Variants in CPED1 observed in about 807,000 individuals in gnomAD.
CPED1 encodes cadherin like and PC-esterase domain containing 1.
In CPED1, 114 loss-of-function variants were observed where a neutral mutation model predicts 128.2. The observed-to-expected ratio is 0.89, with a 90% CI of 0.76 to 1.04. The LOEUF (loss-of-function observed/expected upper bound fraction) is 1.04. Ranked by LOEUF, CPED1 falls within the 50% of genes least tolerant of loss-of-function variation. The probability of loss-of-function intolerance (pLI) is 0.00; values close to 1 mark genes in which losing one functional copy is unlikely to be tolerated. For missense variants in CPED1, 1,211 were observed against 1,207.1 expected (o/e 1.00, Z -0.05); for synonymous variants, 462 against 426.7 (o/e 1.08, Z -1.02).
chr7:121,235,166 A>G (rs1252810212), intron 16 of CPED1, among the ~76,000 whole-genome samples: 1 of 152,126 alleles, frequency 6.6e-6, no homozygotes, highest in Non-Finnish European at 1.5e-5. Flanking sequence ...TCTCCACTAA[A>G]AATAAATGGT....
chr7:120,994,273 TAA>T, intron 2 of CPED1, among the ~76,000 whole-genome samples: 1 of 151,562 alleles, frequency 6.6e-6, no homozygotes, highest in East Asian at 1.9e-4. Context: ...TCTCTTTAAC[TAA>T]AAAAAAATCC....
intron 16 of CPED1, among the ~76,000 whole-genome samples, chr7:121,177,483 A>G (rs1043514320): frequency 6.6e-6 from 1 of 152,066 alleles, no homozygotes; most frequent in African/African-American, 2.4e-5. Context: ...TGTGGATTTT[A>G]TGTGAAAATT....
rs116617328 is a variant in CPED1 at position 121,049,730 on chromosome 7, C to T, written c.540+2737C>T. 4.2e-3 allele frequency among the ~76,000 whole-genome samples: 637 copies of T among 152,274 alleles called. 6 individuals are homozygous for T. The highest frequency in any genetic ancestry group is 0.02 in the Middle Eastern group (6 of 294). ...TCCCTAAATGCCTGTGCTGTTTTGT[C>T]ACATACCTTTATTCTTACTGTTTTG... On this transcript the variant is annotated intron_variant, in intron 4 of 22. Transcript: ENST00000310396.
chr7:121,266,199 A>T, intron 18 of CPED1, 28 bp from the exon 19 acceptor site: 1 of 1,543,126 alleles, frequency 6.5e-7, no homozygotes, highest in Non-Finnish European at 9.0e-7. Context: ...ATAAGCTTTT[A>T]AACAAATGCT....
intron 16 of CPED1, among the ~76,000 whole-genome samples, chr7:121,210,522 G>T (rs551370431): frequency 6.6e-6 from 1 of 151,992 alleles, no homozygotes; most frequent in Admixed American, 6.6e-5. Context: ...AATGGAAATG[G>T]AAGACATTAT....
chr7:121,153,308 A>G (rs1045389451), intron 16 of CPED1, among the ~76,000 whole-genome samples: 2 of 152,220 alleles, frequency 1.3e-5, no homozygotes, highest in Admixed American at 1.3e-4. Flanking sequence ...GTCTTAGCCT[A>G]CATGATTTCA....
chr7:121,025,815 A>C (rs1429075355), intron 3 of CPED1, among the ~76,000 whole-genome samples: 2 of 152,158 alleles, frequency 1.3e-5, no homozygotes, highest in African/African-American at 2.4e-5. Flanking sequence ...TATAACCTCT[A>C]GATAAGGTTG....
intron 16 of CPED1, among the ~76,000 whole-genome samples, chr7:121,207,055 T>G (rs570477902): frequency 6.6e-6 from 1 of 152,164 alleles, no homozygotes; most frequent in South Asian, 2.1e-4. Flanking sequence ...TTTGCACATT[T>G]TTTCAGGTCA....
chr7:121,089,162 A>G (rs1367601172), intron 5 of CPED1, among the ~76,000 whole-genome samples: 1 of 152,190 alleles, frequency 6.6e-6, no homozygotes, highest in African/African-American at 2.4e-5. Context: ...ATCCTATCAG[A>G]ACATCTTTTC....
chr7:121,187,659 T>C (rs949759619), intron 16 of CPED1, among the ~76,000 whole-genome samples: 16 of 152,154 alleles, frequency 1.1e-4, no homozygotes, highest in Admixed American at 3.3e-4. Flanking sequence ...ACTCTAGGTC[T>C]TTCAAACAGC....
intron 16 of CPED1, among the ~76,000 whole-genome samples, chr7:121,214,379 G>T (rs546080305): frequency 6.6e-6 from 1 of 152,000 alleles, no homozygotes; most frequent in African/African-American, 2.4e-5. Context: ...TGCAACCTCC[G>T]CCTCACAAGA....
intron 7 of CPED1, among the ~76,000 whole-genome samples, chr7:121,111,325 A>G (rs1222804865): frequency 1.3e-5 from 2 of 152,202 alleles, no homozygotes; most frequent in Non-Finnish European, 2.9e-5. Flanking sequence ...CAACAGAAGT[A>G]TCCTACCACT....
intron 7 of CPED1, among the ~76,000 whole-genome samples, chr7:121,118,151 T>C (rs1795297818): frequency 6.6e-6 from 1 of 152,238 alleles, no homozygotes; most frequent in Admixed American, 6.5e-5. Flanking sequence ...TCCACGTCTG[T>C]GTATTTATGT....
rs1157885862 is a variant in CPED1, at chr7:121,074,509, G to GTTTTTTTTTTTTTTTTTTTTTTTT, written c.616+10214_616+10215insTTTTTTTTTTTTTTTTTTTTTTTT. ...TTCCTTACTAATAAATTTCCTTTGT[G>GTTTTTTTTTTTTTTTTTTTTTTTT]TTTTTTTTTTTTTTTTTTGAGGGCA... is the stretch of plus-strand genomic sequence containing the variant. On this transcript the variant is annotated intron_variant, in intron 5 of 22. Coordinates refer to ENST00000310396, the MANE Select transcript of CPED1 (RefSeq NM_024913.5). 2.5e-5 allele frequency among the ~76,000 whole-genome samples: 2 copies of GTTTTTTTTTTTTTTTTTTTTTTTT among 80,838 alleles called. 1 individual carries two copies. The highest frequency in any genetic ancestry group is 9.1e-5 in the African/African-American group (2 of 22,018). 53.0% of individuals were successfully genotyped at this position (80,838 alleles called of 152,430 possible). A position where few individuals can be genotyped will look rare whatever the true frequency, so the allele number is the denominator to read the frequency against.
At chr7:121,262,544 A>G (rs747790962) in intron 18 of CPED1, among the ~76,000 whole-genome samples, 110 of 152,182 alleles carry the variant, frequency 7.2e-4, no homozygotes, top group Non-Finnish European at 1.2e-3. Context: ...TTAAAACCAC[A>G]TCACATTTTT....
intron 16 of CPED1, among the ~76,000 whole-genome samples, chr7:121,192,261 C>G (rs1338892107): frequency 6.6e-6 from 1 of 152,080 alleles, no homozygotes; most frequent in Non-Finnish European, 1.5e-5. Flanking sequence ...AATCCAAGAT[C>G]TGAACTGCTA....
In CPED1 at chr7:121,015,687, A is replaced by T; in HGVS notation, c.272A>T (p.His91Leu). 1 of 1,600,780 alleles carries T rather than the reference A, an allele frequency of 6.2e-7. No homozygotes were observed. Among genetic ancestry groups the T allele is most frequent in the Non-Finnish European group, 8.5e-7 (1 of 1,175,938 alleles). The change falls in exon 3 of 23, where the codon CAC (histidine) becomes CTC (leucine). Residue 91 changes from histidine to leucine, a missense_variant. His to Leu is a moderately conservative substitution (Grantham distance 99, BLOSUM62 -3). Coordinates refer to ENST00000310396, the MANE Select transcript of CPED1 (RefSeq NM_024913.5). ...TAGGTCAAAGAATCAATGGAGACAC[A>T]CTTTGGCAGCCATGGCCGAAGGGCC... ...TRKVKESMET[H>L]FGSHGRRAIL... is the part of the protein sequence containing the mutation.
intron 12 of CPED1, among the ~76,000 whole-genome samples, chr7:121,131,236 A>G (rs1170361558): frequency 2.0e-5 from 3 of 152,158 alleles, no homozygotes; most frequent in African/African-American, 4.8e-5. Context: ...ATATTTGAAG[A>G]ATTCTTAGGA....
At chr7:121,109,476 G>A (rs1277129899) in intron 7 of CPED1, among the ~76,000 whole-genome samples, 1 of 152,106 alleles carries the variant, frequency 6.6e-6, no homozygotes. Context: ...AACAGGAGAG[G>A]AAATTCCAAG....
Sources: gnomAD v4.1 joint callset for allele counts (sites outside exome capture counted in the v4.1 genomes callset) on GRCh38, gnomAD v4.1.1 for gene constraint, MANE v1.5 for transcripts, NCBI Gene and HGNC (gene_info 2026-07-23, HGNC 2026-07-21) for gene names.